The following PLEKHG1 variants were observed in gnomAD, a reference collection of about 807,000 sequenced individuals.
The protein encoded by PLEKHG1 is pleckstrin homology and RhoGEF domain containing G1.
In PLEKHG1, 44 loss-of-function variants were observed where a neutral mutation model predicts 100.8. The ratio of observed to expected loss-of-function variants is 0.44; its 90% CI spans 0.34 to 0.56. PLEKHG1 has a LOEUF of 0.56. Ranked by LOEUF, PLEKHG1 falls within the 20% of genes least tolerant of loss-of-function variation. PLEKHG1 has a pLI of 0.01. For missense variants in PLEKHG1, 1,545 were observed against 1,720.9 expected (o/e 0.90, Z 1.81); for synonymous variants, 640 against 662.5 (o/e 0.97, Z 0.52).
intron 3 of PLEKHG1, among the ~76,000 whole-genome samples, chr6:150,770,543 C>T (rs982201767): frequency 2.0e-5 from 3 of 151,950 alleles, no homozygotes; most frequent in Non-Finnish European, 2.9e-5. Flanking sequence ...ACTCGTTGGT[C>T]GAGGTGGGGC....
At chr6:150,747,958 A>G (rs537438157) in intron 2 of PLEKHG1, among the ~76,000 whole-genome samples, 15 of 152,182 alleles carry the variant, frequency 9.9e-5, no homozygotes, top group African/African-American at 3.1e-4. Flanking sequence ...GTACATTCAC[A>G]TTGTTGTACA....
chr6:150,750,803 A>AG (rs1783473035), intron 2 of PLEKHG1, among the ~76,000 whole-genome samples: 1 of 149,932 alleles, frequency 6.7e-6, no homozygotes, highest in African/African-American at 2.5e-5. Context: ...AAAAAAAAAA[A>AG]GGCGGCACAA....
At chr6:150,681,797 G>T (rs572017967) in intron 3 of PLEKHG1, among the ~76,000 whole-genome samples, 1 of 152,206 alleles carries the variant, frequency 6.6e-6, no homozygotes, top group South Asian at 2.1e-4. Flanking sequence ...TGAAACCTGT[G>T]AATGAGCTTC....
rs553897168 is a variant in PLEKHG1, at chr6:150,798,414, T to C, written c.630-2305T>C. Among the ~76,000 whole-genome samples the C allele has an allele frequency of 3.9e-5, 6 of 152,342 alleles. No homozygotes were observed. The South Asian group carries it at 1.2e-3, about 32-fold the overall frequency. On this transcript the variant is annotated intron_variant, in intron 5 of 15. Transcript: ENST00000358517. ...TTCCAAAATTGCAAATTCAGAAGAT[T>C]TTGTGATTTATTAAGAAGAGTACAA...
At chr6:150,636,772 A>G (rs1383444467) in intron 1 of PLEKHG1, among the ~76,000 whole-genome samples, 1 of 152,220 alleles carries the variant, frequency 6.6e-6, no homozygotes, top group Admixed American at 6.5e-5. Flanking sequence ...AAGTGGATGT[A>G]TTGTTTTAAA....
intron 2 of PLEKHG1, among the ~76,000 whole-genome samples, chr6:150,760,635 CTTT>C (rs34394040): frequency 7.8e-5 from 9 of 115,764 alleles, no homozygotes; most frequent in Middle Eastern, 4.6e-3. Context: ...AAATGCTTTG[CTTT>C]TTTTTTTTTT....
At chr6:150,648,585 G>A (rs1388893342) in intron 2 of PLEKHG1, among the ~76,000 whole-genome samples, 1 of 152,100 alleles carries the variant, frequency 6.6e-6, no homozygotes, top group Non-Finnish European at 1.5e-5. Flanking sequence ...TAGAAATTGA[G>A]TTTTCTGAGC....
chr6:150,834,998 C>T (rs983169144), intron 15 of PLEKHG1, among the ~76,000 whole-genome samples: 6 of 152,062 alleles, frequency 3.9e-5, no homozygotes, highest in East Asian at 3.9e-4. Context: ...TCGAATGGAC[C>T]GATTCTCCAG....
intron 3 of PLEKHG1, among the ~76,000 whole-genome samples, chr6:150,694,466 G>A (rs1394571586): frequency 6.6e-6 from 1 of 151,922 alleles, no homozygotes; most frequent in Non-Finnish European, 1.5e-5. Flanking sequence ...TTGGGAGGCC[G>A]AGGTGGCTGG....
chr6:150,806,336 C>T (rs1464934114), intron 7 of PLEKHG1, among the ~76,000 whole-genome samples: 2 of 148,964 alleles, frequency 1.3e-5, no homozygotes, highest in African/African-American at 4.9e-5. Context: ...TCCCCCCTAT[C>T]CGCAGTTTCA....
chr6:150,797,799 C>T (rs1208565778), intron 5 of PLEKHG1, among the ~76,000 whole-genome samples: 1 of 128,972 alleles, frequency 7.8e-6, no homozygotes, highest in Non-Finnish European at 1.5e-5. Flanking sequence ...AGCACCACTG[C>T]ACTCCAGCCT....
chr6:150,840,376 G>T, exon 16 of PLEKHG1: 1 of 1,614,212 alleles, frequency 6.2e-7, no homozygotes, highest in Non-Finnish European at 8.5e-7. Flanking sequence ...TTACACAGAA[G>T]TTCAAGGTGT....
At chr6:150,603,923 C>A (rs1776477854) in intron 1 of PLEKHG1, among the ~76,000 whole-genome samples, 1 of 152,138 alleles carries the variant, frequency 6.6e-6, no homozygotes, top group Non-Finnish European at 1.5e-5. Flanking sequence ...TCCATCTACA[C>A]CCACTTGTAA....
At chr6:150,777,913 G>C (rs569990129) in intron 3 of PLEKHG1, among the ~76,000 whole-genome samples, 1 of 152,386 alleles carries the variant, frequency 6.6e-6, no homozygotes, top group Admixed American at 6.5e-5. Context: ...GAATCATCCC[G>C]TGTCTGGTAT....
In PLEKHG1 at chr6:150,678,063, CATATATATATATATATATATATATAT is replaced by C. The variant is rs201616866; in HGVS notation, c.-99+27292_-99+27317del. ...TGGGATACAATGTGATGTTTTGATGCATATATATATATATATATATATATATATATATATATATATGTTGTGGAATG... is the reference window on the plus strand; with the variant it reads ...TGGGATACAATGTGATGTTTTGATGCATATATATATATATGTTGTGGAATG... On this transcript the variant is annotated intron_variant, in intron 3 of 3. Transcript: ENST00000367326. 8.8e-4 allele frequency among the ~76,000 whole-genome samples: 53 copies of C among 60,120 alleles called. 1 individual carries two copies. The highest frequency in any genetic ancestry group is 4.6e-3 in the Admixed American group (20 of 4,390). The allele number at this position is 60,120 out of a possible 152,430, so 39.4% of individuals were successfully genotyped here.
At chr6:150,615,666 C>T (rs929242168) in intron 1 of PLEKHG1, among the ~76,000 whole-genome samples, 2 of 152,060 alleles carry the variant, frequency 1.3e-5, no homozygotes, top group South Asian at 2.1e-4. Context: ...TTTCAGTGGC[C>T]GAGTCTACTA....
intron 3 of PLEKHG1, among the ~76,000 whole-genome samples, chr6:150,682,851 G>A (rs1028965049): frequency 6.6e-6 from 1 of 152,144 alleles, no homozygotes; most frequent in Admixed American, 6.5e-5. Flanking sequence ...AGAGGCATAT[G>A]CGGGTTAAAG....
intron 14 of PLEKHG1, among the ~76,000 whole-genome samples, chr6:150,826,045 G>C (rs1354968390): frequency 6.6e-6 from 1 of 152,060 alleles, no homozygotes; most frequent in East Asian, 1.9e-4. Context: ...GCAGGGCGTG[G>C]TCGTGGGCGG....
chr6:150,835,422 T>C (rs1365675682), intron 15 of PLEKHG1, among the ~76,000 whole-genome samples: 1 of 152,186 alleles, frequency 6.6e-6, no homozygotes, highest in Non-Finnish European at 1.5e-5. Context: ...ATTTTAATCC[T>C]CTGTCTGGAG....
Sources: allele counts gnomAD v4.1 joint callset (sites outside exome capture counted in the v4.1 genomes callset), GRCh38; gene constraint gnomAD v4.1.1; transcripts MANE v1.5; gene names NCBI Gene and HGNC (gene_info 2026-07-23, HGNC 2026-07-21).